GALNS: variants seen among roughly 807,000 people sequenced by gnomAD.
GALNS encodes N-acetylgalactosamine-6-sulfatase.
In GALNS, 65 loss-of-function variants were observed where a neutral mutation model predicts 65.9. That is an observed-to-expected ratio of 0.99 (90% CI 0.81 to 1.21). The LOEUF (loss-of-function observed/expected upper bound fraction) is 1.21, where lower values mean the gene tolerates loss of function less well. Among genes scored for constraint, GALNS ranks in the 50% most tolerant of loss-of-function variants. GALNS has a pLI of 0.00. For synonymous variants in GALNS, 346 were observed against 288.9 expected (o/e 1.20, Z -2.00); for missense variants, 776 against 700.7 (o/e 1.11, Z -1.21).
intron 1 of GALNS, 141 bp downstream of exon 1, chr16:88,856,617 G>T (rs1190174249): frequency 2.7e-6 from 1 of 374,750 alleles, no homozygotes; most frequent in Non-Finnish European, 5.1e-6. Flanking sequence ...CCCCGCGCGG[G>T]GCCTCCCCCC....
intron 9 of GALNS, among the ~76,000 whole-genome samples, chr16:88,828,666 C>T (rs74035852): frequency 0.037 from 5,673 of 152,284 alleles, 359 homozygotes; most frequent in African/African-American, 0.13. Flanking sequence ...CTTCAGGGAG[C>T]GAGGCAGATG....
intron 1 of GALNS, among the ~76,000 whole-genome samples, chr16:88,848,266 C>T (rs1009436476): frequency 2.0e-5 from 3 of 152,134 alleles, no homozygotes; most frequent in Non-Finnish European, 2.9e-5. Flanking sequence ...GGTGGCAGGA[C>T]GACTCTGAGA....
chr16:88,836,738 G>A (rs1912183345), intron 5 of GALNS, among the ~76,000 whole-genome samples: 1 of 152,230 alleles, frequency 6.6e-6, no homozygotes. Context: ...CTCCCCCAGG[G>A]CACGGTCTTG....
rs868584410 is a variant in GALNS, at chr16:88,822,479, C to T, written c.1364+110G>A. ...TATGAATAGCAACAGCAGATGCAGG[C>T]AAGGGGAGGCGGCGGGCAGGGTGCA... is the stretch of plus-strand genomic sequence containing the variant. On this transcript the variant is annotated intron_variant, in intron 12 of 13. Transcript: ENST00000268695. 4.2e-5 allele frequency: 61 copies of T among 1,436,566 alleles called. 2 individuals are homozygous for T. The Middle Eastern group carries it at 3.9e-3, about 91-fold the overall frequency. 89.0% of individuals were successfully genotyped at this position (1,436,566 alleles called of 1,614,324 possible). A position where few individuals can be genotyped will look rare whatever the true frequency, so the allele number is the denominator to read the frequency against.
chr16:88,839,731 G>A (rs1459771534), intron 4 of GALNS, among the ~76,000 whole-genome samples: 1 of 152,228 alleles, frequency 6.6e-6, no homozygotes, highest in Non-Finnish European at 1.5e-5. Flanking sequence ...TCTGAGGTCT[G>A]CCTGGCTCCT....
rs546164356 is a variant in GALNS at position 88,840,651 on chromosome 16, G to A, written c.422+341C>T. 9 of 398,154 alleles carry A rather than the reference G, an allele frequency of 2.3e-5. No homozygotes were observed. In the East Asian group the frequency reaches 3.6e-4, roughly 16 times the overall value. 24.7% of individuals were successfully genotyped at this position (398,154 alleles called of 1,614,324 possible). On this transcript the variant is annotated intron_variant, in intron 4 of 13. Coordinates refer to ENST00000268695, the MANE Select transcript of GALNS (RefSeq NM_000512.5). ...CTCCGCCACAGCTCCTGTGTGTAAT[G>A]ACGTGGCCCCTCCAAGGACGACGTG...
intron 1 of GALNS, chr16:88,845,311 A>G (rs1967196455): frequency 6.6e-6 from 1 of 152,190 alleles, no homozygotes; most frequent in Non-Finnish European, 1.5e-5. Flanking sequence ...AGATTGTACC[A>G]CTGCACTCCA....
intron 1 of GALNS, chr16:88,855,475 A>T: frequency 2.8e-6 from 2 of 702,854 alleles, no homozygotes; most frequent in Non-Finnish European, 5.2e-6. Context: ...TACTGCTGTC[A>T]GGACACGGAC....
At chr16:88,820,755 C>T (rs1056567484) in intron 12 of GALNS, among the ~76,000 whole-genome samples, 5 of 152,218 alleles carry the variant, frequency 3.3e-5, no homozygotes, top group African/African-American at 1.2e-4. Flanking sequence ...TGAGGACCCC[C>T]CTGTGGATGC....
At position 88,837,726 on chromosome 16, in the gene GALNS, G is replaced by T. The variant is rs573033985; in HGVS notation, c.462C>A (p.His154Gln). 1.2e-6 allele frequency: 2 copies of T among 1,613,844 alleles called. No homozygotes were observed. The highest frequency in any genetic ancestry group is 1.7e-6 in the Non-Finnish European group (2 of 1,180,012). The change falls in exon 5 of 14, where the codon CAC becomes CAA. Residue 154 changes from histidine (H) to glutamine (Q), a missense_variant. Coordinates refer to ENST00000268695, the MANE Select transcript of GALNS (RefSeq NM_000512.5). Reference sequence around the variant, plus strand: ...GGGATCCAAACCACTCATCAAATCCGTGCTTCAGGGGGTGGAACTGGGGCC... The same window carrying T: ...GGGATCCAAACCACTCATCAAATCCTTGCTTCAGGGGGTGGAACTGGGGCC... The part of the protein sequence containing the change: ...GHRPQFHPLK[H>Q]GFDEWFGSPN...
intron 5 of GALNS, 140 bp from the exon 6 acceptor site, chr16:88,836,407 G>T: frequency 2.7e-6 from 2 of 752,880 alleles, no homozygotes; most frequent in Non-Finnish European, 2.3e-6. Flanking sequence ...TGTAATCCCA[G>T]CATTTTGGGA....
intron 13 of GALNS, chr16:88,816,944 G>A (rs1470215341): frequency 1.6e-5 from 16 of 985,340 alleles, no homozygotes; most frequent in South Asian, 4.7e-5. Context: ...CAGGGGCCTC[G>A]AGGCTGGGCT....
In GALNS at chr16:88,843,739, G is replaced by T. The variant is rs144852447; in HGVS notation, c.121-910C>A. 451 of 141,078 alleles carry T rather than the reference G, an allele frequency of 3.2e-3. 1 individual carries two copies. The highest frequency in any genetic ancestry group is 0.013 in the African/African-American group (436 of 32,680). The allele number at this position is 141,078 out of a possible 1,614,324, so 8.7% of individuals were successfully genotyped here. On this transcript the variant is annotated intron_variant, in intron 1 of 13. Coordinates refer to ENST00000268695, the MANE Select transcript of GALNS (RefSeq NM_000512.5). ...ACTTCTGGCCTCCAGAATCCGGCAAGAATCCATTTCCGCTAAGGCCACCTG... is the reference window on the plus strand; with the variant it reads ...ACTTCTGGCCTCCAGAATCCGGCAATAATCCATTTCCGCTAAGGCCACCTG...
chr16:88,856,564 C>T, intron 1 of GALNS, 194 bp downstream of exon 1: 2 of 641,540 alleles, frequency 3.1e-6, no homozygotes, highest in Non-Finnish European at 5.6e-6. Context: ...GGGGCCTCCC[C>T]CTCCCCGCAC....
chr16:88,827,245 G>A lies in GALNS; in HGVS notation c.1003-407C>T, dbSNP rs1001360787. 1.5e-4 allele frequency: 38 copies of A among 248,710 alleles called. No homozygotes were observed. In the South Asian group the frequency reaches 1.8e-3, roughly 12 times the overall value. 15.4% of individuals were successfully genotyped at this position (248,710 alleles called of 1,614,324 possible). A position where few individuals can be genotyped will look rare whatever the true frequency, so the allele number is the denominator to read the frequency against. ...GAGCAGGTGGAGAAAAACCAGATGT[G>A]GAGGGGCAGCTGAGGCTGGACAGGA... On this transcript the variant is annotated intron_variant, in intron 9 of 13. Coordinates refer to ENST00000268695, the MANE Select transcript of GALNS (RefSeq NM_000512.5).
chr16:88,824,401 A>G (rs998364480), intron 11 of GALNS, among the ~76,000 whole-genome samples: 2 of 151,970 alleles, frequency 1.3e-5, no homozygotes, highest in South Asian at 2.1e-4. Flanking sequence ...CCCATGTAGC[A>G]CCTGGGCCAA....
Position 88,856,804 on chromosome 16 carries a change from G to A in GALNS, c.74C>T (p.Ser25Leu), listed in dbSNP as rs770057057. ...GATGTTGGGGGGCTGCGGGGCGCCC[G>A]AGGCCCCCATCCCCGCGGCGCTGAG... ...LVLSAAGMGA[S>L]GAPQPPNILL... The change falls in exon 1 of 14, where the codon TCG (serine) becomes TTG (leucine). Residue 25 changes from serine to leucine, a missense_variant. Coordinates refer to ENST00000268695, the MANE Select transcript of GALNS (RefSeq NM_000512.5). 2.6e-6 allele frequency: 4 copies of A among 1,530,758 alleles called. No homozygotes were observed. The highest frequency in any genetic ancestry group is 3.5e-6 in the Non-Finnish European group (4 of 1,148,562). 94.8% of individuals were successfully genotyped at this position (1,530,758 alleles called of 1,614,324 possible). A position where few individuals can be genotyped will look rare whatever the true frequency, so the allele number is the denominator to read the frequency against.
chr16:88,816,587 C>T, intron 13 of GALNS: 1 of 983,508 alleles, frequency 1.0e-6, no homozygotes, highest in Non-Finnish European at 1.2e-6. Flanking sequence ...GCAGGGTGGA[C>T]TGTCCCTGGG....
chr16:88,853,749 A>G (rs1211173492), intron 1 of GALNS, among the ~76,000 whole-genome samples: 1 of 152,158 alleles, frequency 6.6e-6, no homozygotes, highest in Non-Finnish European at 1.5e-5. Flanking sequence ...GGGTACTACG[A>G]AGCCAGGCCG....
Sources: allele counts gnomAD v4.1 joint callset (sites outside exome capture counted in the v4.1 genomes callset), GRCh38; gene constraint gnomAD v4.1.1; transcripts MANE v1.5; gene names NCBI Gene and HGNC (gene_info 2026-07-23, HGNC 2026-07-21).